Variants in ARHGEF17 observed in about 807,000 individuals in gnomAD.
ARHGEF17 encodes the protein Rho guanine nucleotide exchange factor 17.
In ARHGEF17, 80 loss-of-function variants were observed where a neutral mutation model predicts 174.0. The ratio of observed to expected loss-of-function variants is 0.46; its 90% CI spans 0.38 to 0.55. The LOEUF is 0.55. Ranked by LOEUF, ARHGEF17 falls within the 20% of genes least tolerant of loss-of-function variation. ARHGEF17 has a pLI of 0.00. For synonymous variants in ARHGEF17, 1,311 were observed against 1,189.1 expected, an observed-to-expected ratio of 1.10 and a Z score of -2.11; for missense variants, 2,886 against 2,839.7, an observed-to-expected ratio of 1.02 and a Z score of -0.37.
In ARHGEF17 at chr11:73,361,080, C is replaced by CACTA; in HGVS notation, c.4421-7_4421-4dup. On this transcript the variant is annotated splice_region_variant and splice_polypyrimidine_tract_variant and intron_variant, in intron 11 of 20. Transcript: ENST00000263674. ...CAGGGTCCGTCTGTCTGTCCATCTC[C>CACTA]ACTACAGCATCCAGCAAAAGCTGTC... The CACTA allele has an allele frequency of 1.9e-6, 3 of 1,613,172 alleles. No homozygotes were observed. In the Admixed American group the frequency reaches 5.0e-5, roughly 27 times the overall value.
chr11:73,367,526 T>C lies in ARHGEF17; in HGVS notation c.5996-58T>C, dbSNP rs1482946346. ...TGGGGTGTGGGAATTCAGGCCCCGA[T>C]GGGACAGTGAAGCCTCCATTCGCCC... On this transcript the variant is annotated intron_variant, in intron 20 of 20. Coordinates refer to ENST00000263674, the MANE Select transcript of ARHGEF17 (RefSeq NM_014786.4). The C allele has an allele frequency of 6.6e-5, 97 of 1,460,862 alleles. No individual in the cohort carries two copies. The East Asian group carries it at 2.2e-3, about 33-fold the overall frequency. 90.5% of individuals were successfully genotyped at this position (1,460,862 alleles called of 1,614,324 possible).
At chr11:73,319,760 C>G (rs1864986141) in intron 1 of ARHGEF17, among the ~76,000 whole-genome samples, 1 of 152,206 alleles carries the variant, frequency 6.6e-6, no homozygotes, top group Non-Finnish European at 1.5e-5. Flanking sequence ...TGGACACCAT[C>G]CCTCCTTGCC....
chr11:73,327,136 G>A (rs1414592765), intron 1 of ARHGEF17, among the ~76,000 whole-genome samples: 1 of 152,202 alleles, frequency 6.6e-6, no homozygotes, highest in Non-Finnish European at 1.5e-5. Flanking sequence ...GGGGCCTGGA[G>A]CTGGCTGGGC....
intron 1 of ARHGEF17, among the ~76,000 whole-genome samples, chr11:73,318,356 G>T (rs576782563): frequency 1.3e-4 from 20 of 152,306 alleles, no homozygotes; most frequent in African/African-American, 4.8e-4. Flanking sequence ...CTTTATCTGG[G>T]CCGGGCGTGG....
At chr11:73,333,777 G>A (rs1312458790) in intron 1 of ARHGEF17, among the ~76,000 whole-genome samples, 1 of 152,132 alleles carries the variant, frequency 6.6e-6, no homozygotes, top group Non-Finnish European at 1.5e-5. Flanking sequence ...CAGTGGGAGA[G>A]CTCCAGAGGC....
chr11:73,343,103 C>T (rs1865400408), intron 1 of ARHGEF17: 2 of 340,354 alleles, frequency 5.9e-6, no homozygotes, highest in Non-Finnish European at 1.1e-5. Context: ...CCCGCCCCGC[C>T]GCCACCCCGG....
intron 20 of ARHGEF17, among the ~76,000 whole-genome samples, chr11:73,366,478 C>G (rs954144424): frequency 6.6e-6 from 1 of 152,150 alleles, no homozygotes; most frequent in Admixed American, 6.5e-5. Flanking sequence ...CCTGTAATCC[C>G]AGCAGTTTGG....
At position 73,308,802 on chromosome 11, in the gene ARHGEF17, C is replaced by G. The variant is rs1034642375; in HGVS notation, c.164C>G (p.Ser55Cys). Residue 55 changes from serine to cysteine, a missense_variant, in exon 1 of 21, where the codon TCT (serine) becomes TGT (cysteine). Ser to Cys is a moderately radical substitution (Grantham distance 112). Transcript: ENST00000263674. The stretch of plus-strand genomic sequence containing the variant: ...ACCACGGCTGCCCGGGGCCAGCCCT[C>G]TCGGCGCGTGTCCAAGCTGGCGTCT... ...RPTTAARGQP[S>C]RRVSKLASGP... 3 of 1,362,996 alleles carry G rather than the reference C, an allele frequency of 2.2e-6. No homozygotes were observed. The highest frequency in any genetic ancestry group is 1.9e-6 in the Non-Finnish European group (2 of 1,065,014). 84.4% of individuals were successfully genotyped at this position (1,362,996 alleles called of 1,614,324 possible).
At chr11:73,356,599 G>C in intron 6 of ARHGEF17, 110 bp from the exon 7 acceptor site, 1 of 1,418,264 alleles carries the variant, frequency 7.1e-7, no homozygotes, top group Non-Finnish European at 9.8e-7. Context: ...GAAGCATGCT[G>C]CTTCCATTGG....
chr11:73,353,096 C>A, intron 3 of ARHGEF17, 84 bp downstream of exon 3: 1 of 1,528,920 alleles, frequency 6.5e-7, no homozygotes, highest in Non-Finnish European at 8.9e-7. Context: ...CCACCCCCAC[C>A]CATCCCACCT....
At chr11:73,363,706 T>C (rs200967757) in intron 15 of ARHGEF17, 41 bp from the exon 16 acceptor site, 6 of 1,603,996 alleles carry the variant, frequency 3.7e-6, no homozygotes, top group Non-Finnish European at 5.1e-6. Context: ...GGGGCTGGTG[T>C]GCCCCAAGCA....
rs1192307596 is a variant in ARHGEF17 at position 73,309,120 on chromosome 11, C to T, written c.482C>T (p.Pro161Leu). 6.4e-7 allele frequency: 1 copy of T among 1,568,744 alleles called. No individual in the cohort carries two copies. Among genetic ancestry groups the T allele is most frequent in the Non-Finnish European group, 8.6e-7 (1 of 1,160,100 alleles). The change falls in exon 1 of 21, where the codon CCG becomes CTG. Residue 161 changes from proline (P) to leucine (L), a missense_variant. By Grantham distance (98) the Pro-to-Leu change is moderately conservative (BLOSUM62 -3). Transcript: ENST00000263674. ...PSPDGAAWEP[P>L]ARESRQPPTP... ...CCCGACGGTGCCGCGTGGGAGCCTC[C>T]GGCTCGGGAGTCGCGGCAGCCACCG...
chr11:73,309,542 T>G lies in ARHGEF17; in HGVS notation c.904T>G (p.Leu302Val), dbSNP rs747116139. Residue 302 changes from leucine (L) to valine (V), a missense_variant, in exon 1 of 21, where the codon TTG becomes GTG. Leu to Val is a conservative substitution (Grantham distance 32, BLOSUM62 1). Around this residue, in one of 4 missense-constraint regions of ARHGEF17, gnomAD observed 1,728 missense variants for 1,461.2 expected, o/e 1.18. Transcript: ENST00000263674. The part of the protein sequence containing the change: ...RPGLRPGSSL[L>V]DQDCRPDSDG... ...CGGGCTCAGGCCTGGAAGCTCCCTA[T>G]TGGATCAGGACTGCAGGCCTGACAG... 6.3e-7 allele frequency: 1 copy of G among 1,590,812 alleles called. No individual in the cohort carries two copies. Among genetic ancestry groups the G allele is most frequent in the Non-Finnish European group, 8.6e-7 (1 of 1,163,760 alleles).
chr11:73,323,581 C>CTGCT (rs1865051406), intron 1 of ARHGEF17, among the ~76,000 whole-genome samples: 1 of 152,228 alleles, frequency 6.6e-6, no homozygotes, highest in South Asian at 2.1e-4. Context: ...AGCGGAAAGC[C>CTGCT]TGCTTCCCTG....
At chr11:73,358,863 C>T (rs933769357) in intron 9 of ARHGEF17, among the ~76,000 whole-genome samples, 1 of 152,180 alleles carries the variant, frequency 6.6e-6, no homozygotes, top group Non-Finnish European at 1.5e-5. Flanking sequence ...TTCCCAGCCT[C>T]GGCCTGGCAG....
intron 1 of ARHGEF17, among the ~76,000 whole-genome samples, chr11:73,337,395 C>T (rs1225533221): frequency 6.8e-6 from 1 of 147,928 alleles, no homozygotes; most frequent in Non-Finnish European, 1.5e-5. Context: ...CAGAGTGAGA[C>T]CCTGTCTCAA....
intron 6 of ARHGEF17, 103 bp from the exon 7 acceptor site, chr11:73,356,606 T>C (rs942533931): frequency 4.8e-6 from 7 of 1,473,408 alleles, no homozygotes; most frequent in East Asian, 2.3e-5. Flanking sequence ...GCTGCTTCCA[T>C]TGGCCTAGCC....
At position 73,356,759 on chromosome 11, in the gene ARHGEF17, G is replaced by A; in HGVS notation, c.3891G>A (p.Val1297=). 6.2e-7 allele frequency: 1 copy of A among 1,614,152 alleles called. No individual in the cohort carries two copies. The highest frequency in any genetic ancestry group is 1.1e-5 in the South Asian group (1 of 91,086). ...TGAGACAGGAGATGGTCATTGAAGT[G>A]GTAAGAAGTGTCCCAGTATCTGTCC... ...RFLRQEMVIE[V]KAIGGKKDRS... Residue 1297 remains valine (V), a splice_region_variant and synonymous_variant, in exon 7 of 21, where the codon GTG becomes GTA. Coordinates refer to ENST00000263674, the MANE Select transcript of ARHGEF17 (RefSeq NM_014786.4).
Position 73,367,906 on chromosome 11 carries a change from C to G in ARHGEF17, c.*126C>G. The G allele has an allele frequency of 9.8e-7, 1 of 1,025,394 alleles. No individual in the cohort carries two copies. Among genetic ancestry groups the G allele is most frequent in the South Asian group, 1.7e-5 (1 of 58,324 alleles). The allele number at this position is 1,025,394 out of a possible 1,614,324, so 63.5% of individuals were successfully genotyped here. A position where few individuals can be genotyped will look rare whatever the true frequency, so the allele number is the denominator to read the frequency against. ...GGGCACACATGTGCCTGCGTGGGCT[C>G]TGCCTTGTCTTCGCGGAAGCATTCC... On this transcript the variant is annotated 3_prime_UTR_variant, in exon 21 of 21. Coordinates refer to ENST00000263674, the MANE Select transcript of ARHGEF17 (RefSeq NM_014786.4).
Sources: gnomAD v4.1 joint callset for allele counts (sites outside exome capture counted in the v4.1 genomes callset) on GRCh38, gnomAD v4.1.1 for gene constraint, gnomAD v4.1.1 regional missense constraint, MANE v1.5 for transcripts, NCBI Gene and HGNC (gene_info 2026-07-23, HGNC 2026-07-21) for gene names.